PHETA2: variants seen among roughly 807,000 people sequenced by gnomAD.
The protein encoded by PHETA2 is sesquipedalian-2.
For missense variants in PHETA2, 321 were observed against 341.3 expected, an observed-to-expected ratio of 0.94 and a Z score of 0.47; for synonymous variants, 133 against 142.9, an observed-to-expected ratio of 0.93 and a Z score of 0.50.
rs1270213931 is a variant in PHETA2, at chr22:42,078,407, C to G, written c.*334C>G. The G allele has an allele frequency of 3.1e-6, 1 of 318,340 alleles. No individual in the cohort carries two copies. Among genetic ancestry groups the G allele is most frequent in the Non-Finnish European group, 6.1e-6 (1 of 164,570 alleles). The allele number at this position is 318,340 out of a possible 1,614,324, so 19.7% of individuals were successfully genotyped here. ...GAATGTCACCCGAGACTGTCACAGG[C>G]TTGCCATACCTTTGGCCTACACACC... On this transcript the variant is annotated 3_prime_UTR_variant, in exon 3 of 3. Transcript: ENST00000321753.
In PHETA2 at chr22:42,079,173, C is replaced by G. The variant is rs1203077569; in HGVS notation, c.*1100C>G. The G allele has an allele frequency of 6.0e-6, 1 of 167,426 alleles. No homozygotes were observed. Among genetic ancestry groups the G allele is most frequent in the Non-Finnish European group, 1.5e-5 (1 of 68,300 alleles). The allele number at this position is 167,426 out of a possible 1,614,324, so 10.4% of individuals were successfully genotyped here. ...GACACCCCCTCCCAAACACATAAAA[C>G]TTGCCCCTTCCTAGCCTCGGCTCCC... On this transcript the variant is annotated 3_prime_UTR_variant, in exon 3 of 3. Transcript: ENST00000321753.
At chr22:42,074,673 G>C (rs1927211599) in intron 1 of PHETA2, among the ~76,000 whole-genome samples, 1 of 152,136 alleles carries the variant, frequency 6.6e-6, no homozygotes, top group Non-Finnish European at 1.5e-5. Context: ...GCGGGGGAGG[G>C]GAGGGGTCAT....
Position 42,077,262 on chromosome 22 carries a change from A to C in PHETA2, c.-14-18A>C, listed in dbSNP as rs1297473019. 6.6e-7 allele frequency: 1 copy of C among 1,512,484 alleles called. No individual in the cohort carries two copies. The allele number at this position is 1,512,484 out of a possible 1,614,324, so 93.7% of individuals were successfully genotyped here. ...CCACCTCCCTCTCTGATCTGCTGCCATCTCTCTTGCCTCACAGTTCCCGTG... is the reference window on the plus strand; with the variant it reads ...CCACCTCCCTCTCTGATCTGCTGCCCTCTCTCTTGCCTCACAGTTCCCGTG... On this transcript the variant is annotated intron_variant, in intron 2 of 2. Coordinates refer to ENST00000321753, the MANE Select transcript of PHETA2 (RefSeq NM_001002034.3).
At chr22:42,076,516 T>C (rs1927287788) in intron 2 of PHETA2, among the ~76,000 whole-genome samples, 1 of 152,086 alleles carries the variant, frequency 6.6e-6, no homozygotes, top group Non-Finnish European at 1.5e-5. Flanking sequence ...GGTCTCCAAC[T>C]CCTGAGCTCA....
chr22:42,077,378 G>C lies in PHETA2; in HGVS notation c.85G>C (p.Gly29Arg). 5 of 1,600,108 alleles carry C rather than the reference G, an allele frequency of 3.1e-6. No homozygotes were observed. Among genetic ancestry groups the C allele is most frequent in the Non-Finnish European group, 4.3e-6 (5 of 1,172,650 alleles). The change falls in exon 3 of 3, where the codon GGC (glycine) becomes CGC (arginine). Residue 29 changes from glycine to arginine, a missense_variant. Physicochemically the swap from Gly to Arg is moderately radical, Grantham distance 125. Coordinates refer to ENST00000321753, the MANE Select transcript of PHETA2 (RefSeq NM_001002034.3). Reference protein sequence around the residue: ...DHMGFLRTWGGPGTPPTPSGT... With the variant: ...DHMGFLRTWGRPGTPPTPSGT... ...CATGGGCTTCCTGCGCACCTGGGGGGGCCCAGGGACCCCACCGACCCCCAG... is the reference window on the plus strand; with the variant it reads ...CATGGGCTTCCTGCGCACCTGGGGGCGCCCAGGGACCCCACCGACCCCCAG...
intron 1 of PHETA2, among the ~76,000 whole-genome samples, chr22:42,074,810 G>A (rs754928288): frequency 1.3e-5 from 2 of 152,190 alleles, no homozygotes; most frequent in Non-Finnish European, 1.5e-5. Flanking sequence ...CTGGAATGGC[G>A]TCTCTCCCCA....
At position 42,078,674 on chromosome 22, in the gene PHETA2, T is replaced by TCTGCTC. The variant is rs1927462056; in HGVS notation, c.*602_*607dup. On this transcript the variant is annotated 3_prime_UTR_variant, in exon 3 of 3. Coordinates refer to ENST00000321753, the MANE Select transcript of PHETA2 (RefSeq NM_001002034.3). Reference sequence around the variant, plus strand: ...CTTCGGCCAGTGAAGAGAGATTTATTCTGCTCAGAGTGCTGGGGTCCCATC... The same window carrying TCTGCTC: ...CTTCGGCCAGTGAAGAGAGATTTATTCTGCTCCTGCTCAGAGTGCTGGGGTCCCATC... 1 of 167,380 alleles carries TCTGCTC rather than the reference T, an allele frequency of 6.0e-6. No homozygotes were observed. Among genetic ancestry groups the TCTGCTC allele is most frequent in the Admixed American group, 6.5e-5 (1 of 15,272 alleles). 10.4% of individuals were successfully genotyped at this position (167,380 alleles called of 1,614,324 possible). A position where few individuals can be genotyped will look rare whatever the true frequency, so the allele number is the denominator to read the frequency against.
Position 42,079,438 on chromosome 22 carries a change from A to T in PHETA2, c.*1365A>T, listed in dbSNP as rs1927537486. 1 of 366,596 alleles carries T rather than the reference A, an allele frequency of 2.7e-6. No homozygotes were observed. Among genetic ancestry groups the T allele is most frequent in the Admixed American group, 4.8e-5 (1 of 20,746 alleles). 22.7% of individuals were successfully genotyped at this position (366,596 alleles called of 1,614,324 possible). ...ACACTAGTAAAGCTTTTTCGTTATT[A>T]CTCCTTCCGCTCCCTGGGTTTATTT... On this transcript the variant is annotated 3_prime_UTR_variant, in exon 3 of 3. Transcript: ENST00000321753.
chr22:42,077,972 C>G lies in PHETA2; in HGVS notation c.679C>G (p.Leu227Val). ...CCCTGAGACCTCCTGCTTCTCTACC[C>G]TGCATGACTGGTATGGCCAGGAGAT... Reference protein sequence around the residue: ...VSPETSCFSTLHDWYGQEIVE... With the variant: ...VSPETSCFSTVHDWYGQEIVE... Residue 227 changes from leucine to valine, a missense_variant, in exon 3 of 3, where the codon CTG becomes GTG. By Grantham distance (32) the Leu-to-Val change is conservative (BLOSUM62 1). Coordinates refer to ENST00000321753, the MANE Select transcript of PHETA2 (RefSeq NM_001002034.3). The G allele has an allele frequency of 1.2e-6, 2 of 1,611,738 alleles. No individual in the cohort carries two copies.
chr22:42,077,247 C>T (rs778350757), intron 2 of PHETA2, 33 bp from the exon 3 acceptor site: 1 of 1,508,676 alleles, frequency 6.6e-7, no homozygotes, highest in African/African-American at 1.4e-5. Flanking sequence ...CCACCTCCCT[C>T]TCTGATCTGC....
chr22:42,078,206 C>A lies in PHETA2; in HGVS notation c.*133C>A. On this transcript the variant is annotated 3_prime_UTR_variant, in exon 3 of 3. Coordinates refer to ENST00000321753, the MANE Select transcript of PHETA2 (RefSeq NM_001002034.3). Reference sequence around the variant, plus strand: ...CTGCTATTTAGGCATTCTCCAGGTTCGAGATCCACCCGTGTGTCTGGAAGG... The same window carrying A: ...CTGCTATTTAGGCATTCTCCAGGTTAGAGATCCACCCGTGTGTCTGGAAGG... The A allele has an allele frequency of 1.9e-6, 2 of 1,027,670 alleles. No homozygotes were observed. The highest frequency in any genetic ancestry group is 2.8e-6 in the Non-Finnish European group (2 of 719,050). The allele number at this position is 1,027,670 out of a possible 1,614,324, so 63.7% of individuals were successfully genotyped here. A position where few individuals can be genotyped will look rare whatever the true frequency, so the allele number is the denominator to read the frequency against.
Position 42,078,218 on chromosome 22 carries a change from G to C in PHETA2, c.*145G>C, listed in dbSNP as rs561099556. 3.2e-6 allele frequency: 3 copies of C among 936,530 alleles called. No individual in the cohort carries two copies. The highest frequency in any genetic ancestry group is 1.7e-5 in the African/African-American group (1 of 59,882). 58.0% of individuals were successfully genotyped at this position (936,530 alleles called of 1,614,324 possible). A position where few individuals can be genotyped will look rare whatever the true frequency, so the allele number is the denominator to read the frequency against. On this transcript the variant is annotated 3_prime_UTR_variant, in exon 3 of 3. Coordinates refer to ENST00000321753, the MANE Select transcript of PHETA2 (RefSeq NM_001002034.3). Reference sequence around the variant, plus strand: ...CATTCTCCAGGTTCGAGATCCACCCGTGTGTCTGGAAGGGACTGCGGGACC... The same window carrying C: ...CATTCTCCAGGTTCGAGATCCACCCCTGTGTCTGGAAGGGACTGCGGGACC...
chr22:42,077,487 G>A lies in PHETA2; in HGVS notation c.194G>A (p.Ser65Asn), dbSNP rs1266439788. ...AGTCGCGAGGGCCGGGCCCCACTGA[G>A]CCTGGTGGTGCTGGAAGGCTGCACA... ...FESREGRAPL[S>N]LVVLEGCTVE... The change falls in exon 3 of 3, where the codon AGC (serine) becomes AAC (asparagine). Residue 65 changes from serine to asparagine, a missense_variant. Transcript: ENST00000321753. The A allele has an allele frequency of 1.2e-6, 2 of 1,614,186 alleles. No individual in the cohort carries two copies. The highest frequency in any genetic ancestry group is 2.2e-5 in the East Asian group (1 of 44,888).
rs371373425 is a variant in PHETA2, at chr22:42,077,410, T to G, written c.117T>G (p.Thr39=). 1 of 1,612,252 alleles carries G rather than the reference T, an allele frequency of 6.2e-7. No individual in the cohort carries two copies. The highest frequency in any genetic ancestry group is 8.5e-7 in the Non-Finnish European group (1 of 1,178,928). The stretch of plus-strand genomic sequence containing the variant: ...GGACCCCACCGACCCCCAGTGGCAC[T>G]GGCCGAAGATGCTGGTTTGTCCTCA... ...GPGTPPTPSG[T]GRRCWFVLKG... is the part of the protein sequence containing the mutation. The change falls in exon 3 of 3, where the codon ACT becomes ACG. Residue 39 remains threonine (T), a synonymous_variant. Coordinates refer to ENST00000321753, the MANE Select transcript of PHETA2 (RefSeq NM_001002034.3).
At position 42,078,193 on chromosome 22, in the gene PHETA2, CATT is replaced by C; in HGVS notation, c.*121_*123del. On this transcript the variant is annotated 3_prime_UTR_variant, in exon 3 of 3. Coordinates refer to ENST00000321753, the MANE Select transcript of PHETA2 (RefSeq NM_001002034.3). ...GGTTCTCTCCTTCCTGCTATTTAGG[CATT>C]CTCCAGGTTCGAGATCCACCCGTGT... The C allele has an allele frequency of 1.7e-6, 2 of 1,200,378 alleles. No homozygotes were observed. The highest frequency in any genetic ancestry group is 3.0e-5 in the Admixed American group (1 of 32,944). 74.4% of individuals were successfully genotyped at this position (1,200,378 alleles called of 1,614,324 possible).
Position 42,077,764 on chromosome 22 carries a change from T to C in PHETA2, c.471T>C (p.Cys157=). 6.2e-7 allele frequency: 1 copy of C among 1,613,250 alleles called. No homozygotes were observed. Among genetic ancestry groups the C allele is most frequent in the Non-Finnish European group, 8.5e-7 (1 of 1,180,040 alleles). Residue 157 remains cysteine (C), a synonymous_variant, in exon 3 of 3, where the codon TGT becomes TGC. Coordinates refer to ENST00000321753, the MANE Select transcript of PHETA2 (RefSeq NM_001002034.3). ...RSSWKSVASR[C]KPQAPNHRAA... ...CCTGGAAGTCTGTTGCCAGCCGCTGTAAGCCCCAGGCTCCTAACCACCGAG... is the reference window on the plus strand; with the variant it reads ...CCTGGAAGTCTGTTGCCAGCCGCTGCAAGCCCCAGGCTCCTAACCACCGAG...
rs563641630 is a variant in PHETA2 at position 42,077,610 on chromosome 22, C to T, written c.317C>T (p.Pro106Leu). ...CCACACCTGCTGGCCGCAGAAGGGC[C>T]GGCGGCCCAGGAGGCCTGGGTGAAG... ...VRPHLLAAEGPAAQEAWVKVL... is the reference protein window; with the variant it reads ...VRPHLLAAEGLAAQEAWVKVL... Residue 106 changes from proline (P) to leucine (L), a missense_variant, in exon 3 of 3, where the codon CCG (proline) becomes CTG (leucine). Physicochemically the swap from Pro to Leu is moderately conservative, Grantham distance 98. Coordinates refer to ENST00000321753, the MANE Select transcript of PHETA2 (RefSeq NM_001002034.3). 4.5e-5 allele frequency: 72 copies of T among 1,614,052 alleles called. No homozygotes were observed. The highest frequency in any genetic ancestry group is 5.3e-5 in the Non-Finnish European group (63 of 1,179,982).
rs1331343532 is a variant in PHETA2, at chr22:42,078,581, A to T, written c.*508A>T. ...TTTCTGGGACCCAGCTCTTCCTGAG[A>T]GGGGTGGGAAGATTGGGGATGGGAT... On this transcript the variant is annotated 3_prime_UTR_variant, in exon 3 of 3. Transcript: ENST00000321753. The T allele has an allele frequency of 1.2e-5, 2 of 167,890 alleles. No homozygotes were observed. Among genetic ancestry groups the T allele is most frequent in the African/African-American group, 4.8e-5 (2 of 41,426 alleles). 10.4% of individuals were successfully genotyped at this position (167,890 alleles called of 1,614,324 possible). A position where few individuals can be genotyped will look rare whatever the true frequency, so the allele number is the denominator to read the frequency against.
intron 1 of PHETA2, 53 bp downstream of exon 1, chr22:42,074,394 G>T (rs1217729507): frequency 6.6e-6 from 1 of 152,440 alleles, no homozygotes. Context: ...GGAAGGTGTG[G>T]CCGCGGGGAA....
Sources: allele counts gnomAD v4.1 joint callset (sites outside exome capture counted in the v4.1 genomes callset), GRCh38; gene constraint gnomAD v4.1.1; transcripts MANE v1.5; gene names NCBI Gene and HGNC (gene_info 2026-07-23, HGNC 2026-07-21).